Variants in PDCD6IP observed in about 807,000 individuals in gnomAD.
The protein encoded by PDCD6IP is programmed cell death 6 interacting protein.
PDCD6IP carries 43 observed loss-of-function variants against 103.7 expected under a neutral mutation model. The ratio of observed to expected loss-of-function variants is 0.41; its 90% CI spans 0.32 to 0.53. The LOEUF is 0.53. Ranked by LOEUF, PDCD6IP falls within the 20% of genes least tolerant of loss-of-function variation. The pLI, the probability that PDCD6IP is intolerant of heterozygous loss-of-function variation, is 0.16. For missense variants in PDCD6IP, 871 were observed against 1,036.7 expected, an observed-to-expected ratio of 0.84 and a Z score of 2.20; for synonymous variants, 354 against 378.7, an observed-to-expected ratio of 0.93 and a Z score of 0.76.
Position 33,868,997 on chromosome 3 carries a change from C to G in PDCD6IP, c.*2472C>G, listed in dbSNP as rs939516067. 3 of 152,172 alleles carry G rather than the reference C, an allele frequency of 2.0e-5. No homozygotes were observed. Among genetic ancestry groups the G allele is most frequent in the African/African-American group, 7.2e-5 (3 of 41,450 alleles). The allele number at this position is 152,172 out of a possible 1,614,324, so 9.4% of individuals were successfully genotyped here. A position where few individuals can be genotyped will look rare whatever the true frequency, so the allele number is the denominator to read the frequency against. ...AACCAATCAATCTTTATGAGATATTCCTGTATCCATACCCCAGCTTGTTTG... is the reference window on the plus strand; with the variant it reads ...AACCAATCAATCTTTATGAGATATTGCTGTATCCATACCCCAGCTTGTTTG... On this transcript the variant is annotated 3_prime_UTR_variant, in exon 18 of 18. Transcript: ENST00000307296.
At chr3:33,830,600 G>T (rs1230294572) in intron 7 of PDCD6IP, among the ~76,000 whole-genome samples, 1 of 152,092 alleles carries the variant, frequency 6.6e-6, no homozygotes, top group Non-Finnish European at 1.5e-5. Flanking sequence ...ACAGAAGTTG[G>T]GTGTGATGGC....
intron 12 of PDCD6IP, 103 bp from the exon 13 acceptor site, chr3:33,852,383 ATC>A: frequency 1.4e-6 from 2 of 1,423,058 alleles, no homozygotes; most frequent in Non-Finnish European, 1.8e-6. Context: ...CTGAGAAATC[ATC>A]TCTCTCTCAG....
At chr3:33,803,584 A>G (rs1696525508) in intron 1 of PDCD6IP, among the ~76,000 whole-genome samples, 1 of 152,138 alleles carries the variant, frequency 6.6e-6, no homozygotes, top group Non-Finnish European at 1.5e-5. Flanking sequence ...TTGTCTCTCA[A>G]CTGTGTTTAT....
At chr3:33,810,390 G>A (rs906395256) in intron 1 of PDCD6IP, among the ~76,000 whole-genome samples, 1 of 152,046 alleles carries the variant, frequency 6.6e-6, no homozygotes, top group Non-Finnish European at 1.5e-5. Flanking sequence ...ATCATTTTTT[G>A]AGTACTTCCT....
At chr3:33,858,439 T>A (rs527251465) in intron 15 of PDCD6IP, among the ~76,000 whole-genome samples, 108 of 152,308 alleles carry the variant, frequency 7.1e-4, no homozygotes, top group African/African-American at 2.4e-3. Flanking sequence ...TGCGCTATGA[T>A]TGTACCGTAA....
intron 12 of PDCD6IP, among the ~76,000 whole-genome samples, chr3:33,846,343 T>G (rs751798171): frequency 1.3e-5 from 2 of 152,244 alleles, no homozygotes; most frequent in Admixed American, 6.5e-5. Flanking sequence ...ATGTATTTAT[T>G]CCAAGACCTA....
At chr3:33,850,536 C>T (rs1156969037) in intron 12 of PDCD6IP, among the ~76,000 whole-genome samples, 1 of 152,046 alleles carries the variant, frequency 6.6e-6, no homozygotes, top group East Asian at 1.9e-4. Context: ...CAACCCCCAC[C>T]CCAAATTATG....
At chr3:33,847,511 G>A (rs566082046) in intron 12 of PDCD6IP, among the ~76,000 whole-genome samples, 9 of 76,552 alleles carry the variant, frequency 1.2e-4, no homozygotes, top group Non-Finnish European at 2.4e-4. Context: ...TTTCAGACTG[G>A]TTATAATAGT....
intron 6 of PDCD6IP, chr3:33,826,815 A>G (rs536533142): frequency 2.4e-6 from 3 of 1,275,288 alleles, no homozygotes; most frequent in Middle Eastern, 3.2e-4. Context: ...TTTCCAAGCT[A>G]GAACTCTTTC....
At chr3:33,828,152 A>G (rs1358709117) in intron 6 of PDCD6IP, among the ~76,000 whole-genome samples, 1 of 152,150 alleles carries the variant, frequency 6.6e-6, no homozygotes, top group Non-Finnish European at 1.5e-5. Context: ...TTTGAAATTA[A>G]TTTTGACTGG....
chr3:33,847,663 A>G (rs1380791599), intron 12 of PDCD6IP, among the ~76,000 whole-genome samples: 5 of 152,178 alleles, frequency 3.3e-5, no homozygotes, highest in African/African-American at 1.2e-4. Context: ...GAAGAAGCCT[A>G]CTGTCTGGTT....
intron 6 of PDCD6IP, chr3:33,827,671 G>C (rs535819191): frequency 6.6e-6 from 1 of 152,148 alleles, no homozygotes; most frequent in African/African-American, 2.4e-5. Flanking sequence ...TGGGCCATTA[G>C]TTCAGTCCTG....
intron 7 of PDCD6IP, among the ~76,000 whole-genome samples, chr3:33,830,533 A>G (rs1697222864): frequency 6.6e-6 from 1 of 152,188 alleles, no homozygotes. Flanking sequence ...CCTCAGTTAT[A>G]GACACATAGA....
At chr3:33,816,984 A>G (rs890320148) in intron 3 of PDCD6IP, among the ~76,000 whole-genome samples, 8 of 152,186 alleles carry the variant, frequency 5.3e-5, no homozygotes, top group Admixed American at 2.0e-4. Context: ...TAGTAGCAAA[A>G]ATTGGTAATT....
At chr3:33,817,005 C>T (rs979853788) in intron 3 of PDCD6IP, among the ~76,000 whole-genome samples, 3 of 152,096 alleles carry the variant, frequency 2.0e-5, no homozygotes, top group Non-Finnish European at 2.9e-5. Flanking sequence ...AAATGTCCTT[C>T]AGTAATGTCT....
chr3:33,841,949 A>G lies in PDCD6IP; in HGVS notation c.1234A>G (p.Thr412Ala), dbSNP rs763501423. 1 of 1,580,792 alleles carries G rather than the reference A, an allele frequency of 6.3e-7. No individual in the cohort carries two copies. Among genetic ancestry groups the G allele is most frequent in the African/African-American group, 1.3e-5 (1 of 74,194 alleles). Residue 412 changes from threonine to alanine, a missense_variant, in exon 10 of 18, where the codon ACT (threonine) becomes GCT (alanine). This residue lies in a region of PDCD6IP where 266 missense variants were observed against 390.5 expected (regional missense o/e 0.68). Coordinates refer to ENST00000307296, the MANE Select transcript of PDCD6IP (RefSeq NM_013374.6). The part of the protein sequence containing the change: ...PAAIEDVSGD[T>A]VPQSILTKSR... ...AGCAATTGAAGATGTGTCTGGAGACACTGTACCTCAGTCTATATTGACTAA... is the reference window on the plus strand; with the variant it reads ...AGCAATTGAAGATGTGTCTGGAGACGCTGTACCTCAGTCTATATTGACTAA...
At chr3:33,822,893 A>G (rs1697025447) in intron 4 of PDCD6IP, among the ~76,000 whole-genome samples, 1 of 152,032 alleles carries the variant, frequency 6.6e-6, no homozygotes, top group South Asian at 2.1e-4. Flanking sequence ...TCCTGACATC[A>G]TGATCCACCC....
intron 17 of PDCD6IP, among the ~76,000 whole-genome samples, chr3:33,866,131 G>A (rs1403931833): frequency 6.6e-6 from 1 of 151,690 alleles, no homozygotes; most frequent in Non-Finnish European, 1.5e-5. Flanking sequence ...TTTATTTTTG[G>A]ATAGTATTAA....
intron 17 of PDCD6IP, among the ~76,000 whole-genome samples, chr3:33,866,075 TTTTC>T (rs1342865449): frequency 2.6e-5 from 4 of 152,158 alleles, no homozygotes; most frequent in African/African-American, 4.8e-5. Flanking sequence ...TCTCCATTTT[TTTTC>T]TTTCTTTAAT....
Sources: allele counts gnomAD v4.1 joint callset (sites outside exome capture counted in the v4.1 genomes callset), GRCh38; gene constraint gnomAD v4.1.1; regional missense constraint gnomAD v4.1.1; transcripts MANE v1.5; gene names NCBI Gene and HGNC (gene_info 2026-07-23, HGNC 2026-07-21).